The following GABRG1 variants were observed in gnomAD, a reference collection of about 807,000 sequenced individuals.
GABRG1 encodes gamma-aminobutyric acid receptor subunit gamma-1.
Under a neutral mutation model 49.8 loss-of-function variants are expected in GABRG1, and 49 were observed. The ratio of observed to expected loss-of-function variants is 0.98; its 90% CI spans 0.78 to 1.25. The LOEUF is 1.25. GABRG1 is among the 50% of genes most tolerant of loss of function. GABRG1 has a pLI of 0.00. For missense variants in GABRG1, 552 were observed against 552.3 expected (o/e 1.00, Z 0.01); for synonymous variants, 232 against 185.1 (o/e 1.25, Z -2.06).
chr4:46,106,643 G>A (rs1720556980), intron 1 of GABRG1, among the ~76,000 whole-genome samples: 2 of 151,284 alleles, frequency 1.3e-5, no homozygotes, highest in South Asian at 4.1e-4. Flanking sequence ...AGCTCAGGAT[G>A]GATAATATGT....
At chr4:46,042,815 T>G (rs944411374) in intron 8 of GABRG1, among the ~76,000 whole-genome samples, 8 of 151,990 alleles carry the variant, frequency 5.3e-5, no homozygotes, top group Non-Finnish European at 1.0e-4. Flanking sequence ...ATATTCATAT[T>G]AGAGACAAAT....
chr4:46,090,482 A>T (rs781566160), intron 2 of GABRG1, among the ~76,000 whole-genome samples: 6 of 152,034 alleles, frequency 3.9e-5, no homozygotes, highest in Non-Finnish European at 8.8e-5. Context: ...TGATTTAGCA[A>T]TTAGGAATAT....
Position 46,070,428 on chromosome 4 carries a change from C to T in GABRG1, c.322-4844G>A, listed in dbSNP as rs1022423654. 2.6e-5 allele frequency among the ~76,000 whole-genome samples: 4 copies of T among 151,790 alleles called. No homozygotes were observed. In the East Asian group the frequency reaches 5.8e-4, roughly 22 times the overall value. On this transcript the variant is annotated intron_variant, in intron 3 of 8. Coordinates refer to ENST00000295452, the MANE Select transcript of GABRG1 (RefSeq NM_173536.4). ...AATGCAATCTGTAGGGTTTTATAAA[C>T]CCTATGAATGAACTCCCAGTTCTTA...
intron 8 of GABRG1, among the ~76,000 whole-genome samples, chr4:46,050,031 A>G (rs1283494045): frequency 6.6e-6 from 1 of 151,994 alleles, no homozygotes; most frequent in Non-Finnish European, 1.5e-5. Context: ...ACATAGATAC[A>G]GATAAGTAAA....
At position 46,036,057 on chromosome 4, in the gene GABRG1, T is replaced by A. The variant is rs1329477520; in HGVS notation, c.*4931A>T. ...ATTTAGGTAAATCATGTCTCAAAAG[T>A]CTTCTAATTAGCCCTTTTTGCTTAG... On this transcript the variant is annotated 3_prime_UTR_variant, in exon 9 of 9. Coordinates refer to ENST00000295452, the MANE Select transcript of GABRG1 (RefSeq NM_173536.4). 6.6e-6 allele frequency: 1 copy of A among 151,934 alleles called. No homozygotes were observed. Among genetic ancestry groups the A allele is most frequent in the Non-Finnish European group, 1.5e-5 (1 of 67,892 alleles). The allele number at this position is 151,934 out of a possible 1,614,324, so 9.4% of individuals were successfully genotyped here.
chr4:46,114,295 T>A (rs917872082), intron 1 of GABRG1, among the ~76,000 whole-genome samples: 3 of 150,954 alleles, frequency 2.0e-5, no homozygotes, highest in Non-Finnish European at 4.5e-5. Flanking sequence ...ATCCACTCAA[T>A]ACTATGATTA....
chr4:46,103,600 T>C (rs1422769972), intron 1 of GABRG1, among the ~76,000 whole-genome samples: 3 of 151,510 alleles, frequency 2.0e-5, no homozygotes, highest in Non-Finnish European at 4.4e-5. Flanking sequence ...ATCCAGATAA[T>C]AGGTAGATAT....
chr4:46,080,371 A>G (rs1719517919), intron 3 of GABRG1, among the ~76,000 whole-genome samples: 1 of 151,844 alleles, frequency 6.6e-6, no homozygotes, highest in South Asian at 2.1e-4. Context: ...TGTATTGTTT[A>G]GTTAAAATAG....
At chr4:46,079,598 A>T (rs1233245718) in intron 3 of GABRG1, among the ~76,000 whole-genome samples, 1 of 151,942 alleles carries the variant, frequency 6.6e-6, no homozygotes, top group Non-Finnish European at 1.5e-5. Context: ...ATATAAGGGT[A>T]TACCAGTTCC....
intron 3 of GABRG1, among the ~76,000 whole-genome samples, chr4:46,066,017 C>T (rs1362638477): frequency 6.6e-6 from 1 of 152,136 alleles, no homozygotes; most frequent in African/African-American, 2.4e-5. Flanking sequence ...CCACCGCACA[C>T]GGCCTAAACT....
chr4:46,040,717 TATA>T lies in GABRG1; in HGVS notation c.*268_*270del, dbSNP rs1328417950. 10 of 226,998 alleles carry T rather than the reference TATA, an allele frequency of 4.4e-5. No homozygotes were observed. In the Admixed American group the frequency reaches 5.5e-4, roughly 13 times the overall value. 14.1% of individuals were successfully genotyped at this position (226,998 alleles called of 1,614,324 possible). ...ATCATAGAACTTAAAAATTCAAAATTATAATAACATATAAGTAAATTAAAGAAA... is the reference window on the plus strand; with the variant it reads ...ATCATAGAACTTAAAAATTCAAAATTATAACATATAAGTAAATTAAAGAAA... On this transcript the variant is annotated 3_prime_UTR_variant, in exon 9 of 9. Coordinates refer to ENST00000295452, the MANE Select transcript of GABRG1 (RefSeq NM_173536.4).
intron 7 of GABRG1, 29 bp from the exon 8 acceptor site, chr4:46,051,667 T>G: frequency 7.4e-7 from 1 of 1,354,068 alleles, no homozygotes; most frequent in Non-Finnish European, 1.0e-6. Context: ...AAACAGGAAA[T>G]GAAAATTAAT....
chr4:46,107,376 G>C (rs1313797020), intron 1 of GABRG1, among the ~76,000 whole-genome samples: 1 of 151,104 alleles, frequency 6.6e-6, no homozygotes, highest in Non-Finnish European at 1.5e-5. Flanking sequence ...TTTTTAACAT[G>C]ATTATACATC....
At chr4:46,067,771 G>A (rs369094257) in intron 3 of GABRG1, among the ~76,000 whole-genome samples, 1 of 152,160 alleles carries the variant, frequency 6.6e-6, no homozygotes, top group East Asian at 1.9e-4. Flanking sequence ...AAGGCAAACC[G>A]CATCCCATAA....
chr4:46,091,860 G>A lies in GABRG1; in HGVS notation c.253+5341C>T, dbSNP rs577358544. 2.0e-5 allele frequency among the ~76,000 whole-genome samples: 3 copies of A among 151,994 alleles called. No homozygotes were observed. In the East Asian group the frequency reaches 5.8e-4, roughly 30 times the overall value. The stretch of plus-strand genomic sequence containing the variant: ...TCCTCAATATAAATATGAAAACAAA[G>A]CAAATCTAGGGACACTAAAATAAAA... On this transcript the variant is annotated intron_variant, in intron 2 of 8. Transcript: ENST00000295452.
chr4:46,115,462 T>G (rs996017752), intron 1 of GABRG1, among the ~76,000 whole-genome samples: 1 of 150,750 alleles, frequency 6.6e-6, no homozygotes, highest in Non-Finnish European at 1.5e-5. Flanking sequence ...CATTTTTTTC[T>G]TATGTTTCAA....
chr4:46,059,588 T>C (rs1442530955), intron 5 of GABRG1, among the ~76,000 whole-genome samples: 9 of 151,960 alleles, frequency 5.9e-5, no homozygotes, highest in African/African-American at 1.9e-4. Context: ...TTTATTTTTA[T>C]CTTTATTAGA....
At chr4:46,096,336 T>G (rs556246983) in intron 2 of GABRG1, among the ~76,000 whole-genome samples, 1 of 151,750 alleles carries the variant, frequency 6.6e-6, no homozygotes, top group South Asian at 2.1e-4. Context: ...AAAGGGCTAA[T>G]AAATGAAAGA....
chr4:46,080,620 A>G (rs1719528039), intron 3 of GABRG1, among the ~76,000 whole-genome samples: 1 of 151,690 alleles, frequency 6.6e-6, no homozygotes, highest in African/African-American at 2.4e-5. Flanking sequence ...AATCTTTTAT[A>G]TAGGAAGATC....
Sources: gnomAD v4.1 joint callset for allele counts (sites outside exome capture counted in the v4.1 genomes callset) on GRCh38, gnomAD v4.1.1 for gene constraint, MANE v1.5 for transcripts, NCBI Gene and HGNC (gene_info 2026-07-23, HGNC 2026-07-21) for gene names.